Variants in ZNF679 observed in about 807,000 individuals in gnomAD.
ZNF679 encodes the protein hypothetical protein MGC42415.
In ZNF679, 10 loss-of-function variants were observed where a neutral mutation model predicts 13.4. The ratio of observed to expected loss-of-function variants is 0.75; its 90% confidence interval spans 0.46 to 1.27. ZNF679 has a LOEUF of 1.27. ZNF679 is among the 50% of genes most tolerant of loss of function. The pLI is 0.00. For missense variants in ZNF679, 525 were observed against 477.8 expected (o/e 1.10, Z -0.92); for synonymous variants, 179 against 162.5 (o/e 1.10, Z -0.77).
chr7:64,251,430 G>A (rs1210812797), intron 2 of ZNF679, among the ~76,000 whole-genome samples: 2 of 152,050 alleles, frequency 1.3e-5, no homozygotes, highest in Non-Finnish European at 2.9e-5. Context: ...CTCCAGCCTT[G>A]ACAACAGAGT....
At chr7:64,232,919 C>T (rs181000935) in intron 1 of ZNF679, among the ~76,000 whole-genome samples, 1 of 152,258 alleles carries the variant, frequency 6.6e-6, no homozygotes, top group Non-Finnish European at 1.5e-5. Context: ...AGGTATGTCA[C>T]AATACCCCTT....
intron 4 of ZNF679, among the ~76,000 whole-genome samples, chr7:64,262,894 T>G (rs1252342969): frequency 6.6e-6 from 1 of 152,194 alleles, no homozygotes. Flanking sequence ...TATATTGACA[T>G]CTTAACAAAT....
chr7:64,265,602 T>C (rs1188241351), intron 4 of ZNF679, among the ~76,000 whole-genome samples: 4 of 152,190 alleles, frequency 2.6e-5, no homozygotes, highest in Admixed American at 1.3e-4. Context: ...TGTTCTTCTA[T>C]TGGGGATGAA....
chr7:64,246,514 G>C (rs1296887673), intron 1 of ZNF679, among the ~76,000 whole-genome samples: 1 of 152,116 alleles, frequency 6.6e-6, no homozygotes, highest in African/African-American at 2.4e-5. Context: ...CTTGAGGTCA[G>C]GAGTTTGAGA....
chr7:64,230,548 A>G (rs1787623794), intron 1 of ZNF679, among the ~76,000 whole-genome samples: 15 of 151,388 alleles, frequency 9.9e-5, no homozygotes, highest in Admixed American at 9.9e-4. Flanking sequence ...TCAAAAAAAA[A>G]AAAAAAAAGA....
intron 4 of ZNF679, among the ~76,000 whole-genome samples, chr7:64,262,912 T>C (rs1399828421): frequency 6.6e-6 from 1 of 152,236 alleles, no homozygotes; most frequent in African/African-American, 2.4e-5. Context: ...AATTAAGTTG[T>C]CATTTAACTA....
rs1200414663 is a variant in ZNF679, at chr7:64,260,304, T to C, written c.123T>C (p.Tyr41=). The part of the protein sequence containing the change: ...QCLDHAQQNL[Y]RDVMLENYRN... ...TGGATCACGCTCAGCAGAATTTATA[T>C]AGAGATGTGATGTTAGAGAACTACA... Residue 41 remains tyrosine (Y), a synonymous_variant, in exon 3 of 5, where the codon TAT becomes TAC. Transcript: ENST00000421025. 3 of 1,613,118 alleles carry C rather than the reference T, an allele frequency of 1.9e-6. No individual in the cohort carries two copies. The highest frequency in any genetic ancestry group is 1.1e-5 in the South Asian group (1 of 90,908).
At chr7:64,260,773 C>T (rs1489322002) in intron 3 of ZNF679, 61 bp from the exon 4 acceptor site, 13 of 1,507,190 alleles carry the variant, frequency 8.6e-6, no homozygotes, top group Admixed American at 2.0e-5. Context: ...AAGCATAATA[C>T]TCGTTTGGTA....
At chr7:64,251,986 C>T (rs1480114932) in intron 2 of ZNF679, among the ~76,000 whole-genome samples, 2 of 152,152 alleles carry the variant, frequency 1.3e-5, no homozygotes, top group Admixed American at 6.6e-5. Flanking sequence ...GAGGGAAAAA[C>T]ACAGAAGTAA....
At chr7:64,236,658 T>C (rs1471476363) in intron 1 of ZNF679, among the ~76,000 whole-genome samples, 1 of 151,676 alleles carries the variant, frequency 6.6e-6, no homozygotes, top group Non-Finnish European at 1.5e-5. Context: ...TGCACGCACT[T>C]GTACTTCCAG....
chr7:64,231,546 A>G (rs76110034), intron 1 of ZNF679, among the ~76,000 whole-genome samples: 1 of 152,136 alleles, frequency 6.6e-6, no homozygotes, highest in South Asian at 2.1e-4. Flanking sequence ...GTCATGTCAC[A>G]TAGTTTATGG....
At chr7:64,261,772 A>G (rs1011469853) in intron 4 of ZNF679, among the ~76,000 whole-genome samples, 1 of 151,402 alleles carries the variant, frequency 6.6e-6, no homozygotes, top group Non-Finnish European at 1.5e-5. Flanking sequence ...TAAATTATTA[A>G]TTTTGTGCAA....
Position 64,266,471 on chromosome 7 carries a change from T to C in ZNF679, c.838T>C (p.Ser280Pro), listed in dbSNP as rs1341309829. ...CEECGQAFSR[S>P]STLANHKRIH... is the part of the protein sequence containing the mutation. ...AGAATGTGGCCAAGCCTTTAGCCGC[T>C]CCTCAACACTTGCTAACCACAAGAG... Residue 280 changes from serine to proline, a missense_variant, in exon 5 of 5, where the codon TCC becomes CCC. Ser to Pro is a moderately conservative substitution (Grantham distance 74). Coordinates refer to ENST00000421025, the MANE Select transcript of ZNF679 (RefSeq NM_153363.3). 3 of 1,613,504 alleles carry C rather than the reference T, an allele frequency of 1.9e-6. No individual in the cohort carries two copies. Among genetic ancestry groups the C allele is most frequent in the Non-Finnish European group, 2.5e-6 (3 of 1,179,834 alleles).
chr7:64,230,330 G>A (rs1462362246), intron 1 of ZNF679, among the ~76,000 whole-genome samples: 1 of 151,674 alleles, frequency 6.6e-6, no homozygotes, highest in Non-Finnish European at 1.5e-5. Context: ...TCAGGAGATC[G>A]AGACCATCCT....
chr7:64,259,723 T>A (rs965005934), intron 2 of ZNF679, among the ~76,000 whole-genome samples: 2 of 151,014 alleles, frequency 1.3e-5, no homozygotes, highest in African/African-American at 4.9e-5. Flanking sequence ...AGGTTAGGAG[T>A]TCAAGACAAG....
intron 1 of ZNF679, among the ~76,000 whole-genome samples, chr7:64,247,725 T>C (rs1254429077): frequency 1.3e-5 from 2 of 152,114 alleles, no homozygotes; most frequent in African/African-American, 2.4e-5. Flanking sequence ...CTAATTTTTG[T>C]ATTTTTAGTA....
intron 1 of ZNF679, among the ~76,000 whole-genome samples, chr7:64,246,418 G>C (rs955128251): frequency 1.3e-5 from 2 of 152,066 alleles, no homozygotes; most frequent in African/African-American, 2.4e-5. Context: ...TGGGTTCTTG[G>C]ATCTCGTACA....
chr7:64,237,715 A>T (rs1787745898), intron 1 of ZNF679, among the ~76,000 whole-genome samples: 1 of 152,186 alleles, frequency 6.6e-6, no homozygotes, highest in Admixed American at 6.5e-5. Context: ...CCCAGTGCAC[A>T]CACCAGTGAC....
intron 1 of ZNF679, among the ~76,000 whole-genome samples, 189 bp downstream of exon 1, chr7:64,228,841 C>T (rs1787596900): frequency 6.6e-6 from 1 of 152,192 alleles, no homozygotes; most frequent in Non-Finnish European, 1.5e-5. Context: ...AAACTTTCAA[C>T]TTTTCATTGC....
Sources: gnomAD v4.1 joint callset for allele counts (sites outside exome capture counted in the v4.1 genomes callset) on GRCh38, gnomAD v4.1.1 for gene constraint, MANE v1.5 for transcripts, NCBI Gene and HGNC (gene_info 2026-07-23, HGNC 2026-07-21) for gene names.